Variants in ARHGAP32 observed in about 807,000 individuals in gnomAD.
ARHGAP32 encodes the protein rho GTPase-activating protein 32.
ARHGAP32 carries 51 observed loss-of-function variants against 186.5 expected under a neutral mutation model. The ratio of observed to expected loss-of-function variants is 0.27; its 90% CI spans 0.22 to 0.35. ARHGAP32 has a LOEUF of 0.35. Among genes scored for constraint, ARHGAP32 ranks in the 10% least tolerant of loss-of-function variants. The pLI is 1.00. For missense variants in ARHGAP32, 2,186 were observed against 2,623.5 expected (o/e 0.83, Z 3.64); for synonymous variants, 950 against 964.3 (o/e 0.99, Z 0.27).
intron 5 of ARHGAP32, among the ~76,000 whole-genome samples, chr11:129,121,680 T>C (rs910497081): frequency 6.6e-6 from 1 of 152,074 alleles, no homozygotes; most frequent in African/African-American, 2.4e-5. Flanking sequence ...TTTTTTTCCT[T>C]CTTCTGCCTG....
chr11:129,143,181 A>G (rs1943097892), intron 2 of ARHGAP32, among the ~76,000 whole-genome samples: 1 of 151,564 alleles, frequency 6.6e-6, no homozygotes, highest in African/African-American at 2.4e-5. Context: ...ACCATAAGAA[A>G]CACACATAAT....
At chr11:129,269,562 A>G (rs1225399694) in intron 1 of ARHGAP32, among the ~76,000 whole-genome samples, 2 of 152,060 alleles carry the variant, frequency 1.3e-5, no homozygotes, top group East Asian at 3.9e-4. Flanking sequence ...CTTCGTCTCT[A>G]CAAAAATTAC....
intron 10 of ARHGAP32, among the ~76,000 whole-genome samples, chr11:129,061,673 C>A (rs1435258945): frequency 2.0e-5 from 3 of 152,108 alleles, no homozygotes; most frequent in African/African-American, 7.2e-5. Context: ...CGGGGTGGGA[C>A]AGAGAGAGAT....
In ARHGAP32 at chr11:129,060,939, T is replaced by G. The variant is rs1341789742; in HGVS notation, c.963+1341A>C. On this transcript the variant is annotated intron_variant, in intron 10 of 22. Coordinates refer to ENST00000682385, the MANE Select transcript of ARHGAP32 (RefSeq NM_001378024.1). Reference sequence around the variant, plus strand: ...ATCCCCATTTTACAAATGAGGAAACTGAGACACAGAGAATTAAACAATTTG... The same window carrying G: ...ATCCCCATTTTACAAATGAGGAAACGGAGACACAGAGAATTAAACAATTTG... Among the ~76,000 whole-genome samples the G allele has an allele frequency of 3.9e-5, 6 of 152,110 alleles. No individual in the cohort carries two copies. In the East Asian group the frequency reaches 1.2e-3, roughly 29 times the overall value.
At chr11:129,002,035 T>C (rs755463132) in intron 11 of ARHGAP32, among the ~76,000 whole-genome samples, 5 of 152,230 alleles carry the variant, frequency 3.3e-5, no homozygotes. Context: ...AGTCAGGTAA[T>C]GTGATTCCTC....
At chr11:129,278,687 T>C (rs569938867) in intron 1 of ARHGAP32, among the ~76,000 whole-genome samples, 231 of 151,960 alleles carry the variant, frequency 1.5e-3, no homozygotes, top group African/African-American at 5.2e-3. Flanking sequence ...CAGAGACCTC[T>C]GGCCCCGCGG....
In ARHGAP32 at chr11:128,980,705, G is replaced by C. The variant is rs1393391875; in HGVS notation, c.1824C>G (p.Ser608=). Residue 608 remains serine, a synonymous_variant, in exon 18 of 23, where the codon TCC becomes TCG. Coordinates refer to ENST00000682385, the MANE Select transcript of ARHGAP32 (RefSeq NM_001378024.1). ...CCTCTTCCAATGTCAGCAGTTTGGT[G>C]GATGGAGAGGATACCAGGAGGGACT... ...RPKSLLVSSP[S]TKLLTLEEAQ... 6.2e-7 allele frequency: 1 copy of C among 1,613,676 alleles called. No homozygotes were observed.
At chr11:129,078,660 CTT>C (rs769810211) in intron 6 of ARHGAP32, among the ~76,000 whole-genome samples, 2 of 151,816 alleles carry the variant, frequency 1.3e-5, no homozygotes, top group Non-Finnish European at 2.9e-5. Context: ...GCGTGGCTAA[CTT>C]TTGTATTTTT....
At chr11:129,101,538 T>G (rs1200133493) in intron 5 of ARHGAP32, among the ~76,000 whole-genome samples, 2 of 151,984 alleles carry the variant, frequency 1.3e-5, no homozygotes, top group Non-Finnish European at 2.9e-5. Flanking sequence ...AAAAACACAC[T>G]ACAAGAAGTT....
At chr11:129,268,567 G>A (rs1945434817) in intron 1 of ARHGAP32, among the ~76,000 whole-genome samples, 1 of 143,644 alleles carries the variant, frequency 7.0e-6, no homozygotes, top group Non-Finnish European at 1.5e-5. Flanking sequence ...GAGACTAGTG[G>A]TATGAGACAC....
chr11:129,160,330 C>T (rs1042270585), intron 2 of ARHGAP32, among the ~76,000 whole-genome samples: 1 of 152,104 alleles, frequency 6.6e-6, no homozygotes, highest in African/African-American at 2.4e-5. Context: ...TTGCAGATGA[C>T]GTGATTGTAT....
At chr11:129,236,687 TATC>T (rs1238340414) in intron 1 of ARHGAP32, among the ~76,000 whole-genome samples, 1 of 152,200 alleles carries the variant, frequency 6.6e-6, no homozygotes, top group African/African-American at 2.4e-5. Flanking sequence ...TACAATCACA[TATC>T]ATCAGCTAAC....
chr11:129,120,995 C>A (rs1942514181), intron 5 of ARHGAP32, among the ~76,000 whole-genome samples: 1 of 151,928 alleles, frequency 6.6e-6, no homozygotes, highest in African/African-American at 2.4e-5. Flanking sequence ...ATATTCCAAC[C>A]TTATATTGAA....
intron 1 of ARHGAP32, among the ~76,000 whole-genome samples, chr11:129,180,236 T>C (rs1944027398): frequency 6.6e-6 from 1 of 152,160 alleles, no homozygotes; most frequent in African/African-American, 2.4e-5. Flanking sequence ...ATAAATGTTG[T>C]GCAACAGAAG....
At chr11:128,985,188 T>C (rs1023862775) in intron 15 of ARHGAP32, among the ~76,000 whole-genome samples, 3 of 152,128 alleles carry the variant, frequency 2.0e-5, no homozygotes, top group African/African-American at 7.2e-5. Flanking sequence ...CCGGCTAATT[T>C]TGTAGTTTTA....
At chr11:129,030,459 G>A (rs1292971413) in intron 11 of ARHGAP32, 2 of 152,040 alleles carry the variant, frequency 1.3e-5, no homozygotes, top group Non-Finnish European at 2.9e-5. Context: ...ATAAAAGCCC[G>A]GCTGGTCCAA....
At chr11:129,075,697 A>G (rs1465094219) in intron 6 of ARHGAP32, among the ~76,000 whole-genome samples, 8 of 152,220 alleles carry the variant, frequency 5.3e-5, no homozygotes, top group Admixed American at 4.6e-4. Flanking sequence ...AACGGATTAC[A>G]CATGCTTCTG....
intron 5 of ARHGAP32, among the ~76,000 whole-genome samples, chr11:129,094,800 C>A (rs1941685380): frequency 6.6e-6 from 1 of 152,156 alleles, no homozygotes; most frequent in African/African-American, 2.4e-5. Flanking sequence ...AGATGGACAA[C>A]CCTGAGTTCA....
At chr11:129,087,759 G>T (rs1419846985) in intron 6 of ARHGAP32, among the ~76,000 whole-genome samples, 1 of 152,184 alleles carries the variant, frequency 6.6e-6, no homozygotes, top group African/African-American at 2.4e-5. Flanking sequence ...ATGTAACAAT[G>T]TAAGTTCATC....
Sources: allele counts gnomAD v4.1 joint callset (sites outside exome capture counted in the v4.1 genomes callset), GRCh38; gene constraint gnomAD v4.1.1; transcripts MANE v1.5; gene names NCBI Gene and HGNC (gene_info 2026-07-23, HGNC 2026-07-21).